SPOCK3: variants seen among roughly 807,000 people sequenced by gnomAD.
The protein encoded by SPOCK3 is testican-3.
Under a neutral mutation model 56.6 loss-of-function variants are expected in SPOCK3, and 30 were observed. That is an observed-to-expected ratio of 0.53 (90% CI 0.40 to 0.72). The LOEUF is 0.72. SPOCK3 is among the 30% of genes least tolerant of loss of function. SPOCK3 has a pLI of 0.00. For synonymous variants in SPOCK3, 196 were observed against 183.3 expected (o/e 1.07, Z -0.56); for missense variants, 527 against 530.0 (o/e 0.99, Z 0.06).
chr4:167,019,369 A>T (rs1020806344), intron 3 of SPOCK3, among the ~76,000 whole-genome samples: 2 of 151,962 alleles, frequency 1.3e-5, no homozygotes, highest in African/African-American at 4.8e-5. Flanking sequence ...AAATGATGCA[A>T]ATTTATCATT....
intron 2 of SPOCK3, among the ~76,000 whole-genome samples, chr4:167,156,055 C>G (rs1186837446): frequency 7.2e-5 from 11 of 151,844 alleles, no homozygotes; most frequent in Non-Finnish European, 4.4e-5. Flanking sequence ...TAAAACAAAA[C>G]AGATAAACTT....
chr4:167,229,961 A>C lies in SPOCK3; in HGVS notation c.189+4024T>G, dbSNP rs1381126716. On this transcript the variant is annotated intron_variant, in intron 2 of 10. Transcript: ENST00000357545. ...CCCCAGGTATTTTTATTGAAAAACA[A>C]ATTTAATTTAATCTAGAACTATTTG... is the stretch of plus-strand genomic sequence containing the variant. 5.9e-5 allele frequency among the ~76,000 whole-genome samples: 9 copies of C among 152,202 alleles called. No individual in the cohort carries two copies. In the East Asian group the frequency reaches 1.7e-3, roughly 29 times the overall value.
At chr4:166,971,960 A>G (rs1161690877) in intron 4 of SPOCK3, among the ~76,000 whole-genome samples, 1 of 152,158 alleles carries the variant, frequency 6.6e-6, no homozygotes, top group Non-Finnish European at 1.5e-5. Context: ...CAAAAACACA[A>G]GTGATTCCTG....
At chr4:166,803,506 C>A (rs1384949774) in intron 6 of SPOCK3, among the ~76,000 whole-genome samples, 1 of 152,028 alleles carries the variant, frequency 6.6e-6, no homozygotes, top group African/African-American at 2.4e-5. Context: ...AGGGACAAGA[C>A]CAAGTGAAAA....
At chr4:166,925,914 T>C (rs544403850) in intron 4 of SPOCK3, among the ~76,000 whole-genome samples, 225 of 152,326 alleles carry the variant, frequency 1.5e-3, no homozygotes, top group Middle Eastern at 3.4e-3. Flanking sequence ...TTTACCAGTT[T>C]CTGTTTGTTT....
At chr4:167,099,784 T>C (rs1759474462) in intron 2 of SPOCK3, among the ~76,000 whole-genome samples, 2 of 152,268 alleles carry the variant, frequency 1.3e-5, no homozygotes, top group South Asian at 4.1e-4. Context: ...TGTCTGTCAC[T>C]GTCTGTAATT....
At chr4:167,205,350 T>TATTATATATTTTATATAA (rs1561321538) in intron 2 of SPOCK3, among the ~76,000 whole-genome samples, 9 of 42,546 alleles carry the variant, frequency 2.1e-4, no homozygotes, top group Non-Finnish European at 3.0e-4. Flanking sequence ...ATTATATATA[T>TATTATATATTTTATATAA]AATATATATA....
At chr4:166,769,767 C>T (rs1738675903) in intron 7 of SPOCK3, among the ~76,000 whole-genome samples, 1 of 152,172 alleles carries the variant, frequency 6.6e-6, no homozygotes, top group South Asian at 2.1e-4. Flanking sequence ...TTTTGTTCAG[C>T]TATGCCCTGC....
At chr4:167,215,619 T>C (rs776028437) in intron 2 of SPOCK3, among the ~76,000 whole-genome samples, 18 of 152,116 alleles carry the variant, frequency 1.2e-4, no homozygotes, top group Non-Finnish European at 2.5e-4. Flanking sequence ...GTGTGAAGAA[T>C]GCATGAAAGA....
intron 2 of SPOCK3, chr4:167,083,169 A>G: frequency 7.8e-6 from 6 of 764,746 alleles, no homozygotes; most frequent in Non-Finnish European, 1.4e-5. Flanking sequence ...TCCTACAGAC[A>G]AGATGTATTG....
intron 2 of SPOCK3, among the ~76,000 whole-genome samples, chr4:167,178,372 T>C (rs192183640): frequency 6.6e-6 from 1 of 152,262 alleles, no homozygotes; most frequent in Admixed American, 6.5e-5. Context: ...GGCAGACTCT[T>C]ACTATACATT....
chr4:167,002,234 C>A (rs192493027), intron 3 of SPOCK3, among the ~76,000 whole-genome samples: 1,940 of 152,184 alleles, frequency 0.013, 20 homozygotes, highest in Non-Finnish European at 0.019. Flanking sequence ...GCTGGGATTA[C>A]AATGGTGAGC....
chr4:166,938,955 C>CCACACACACA (rs59234659), intron 4 of SPOCK3, among the ~76,000 whole-genome samples: 102 of 148,326 alleles, frequency 6.9e-4, no homozygotes, highest in African/African-American at 2.4e-3. Context: ...CATACACACA[C>CCACACACACA]CACACACACA....
chr4:167,119,597 C>A lies in SPOCK3; in HGVS notation c.190-57060G>T, dbSNP rs184017827. ...GTCATTTAAACCATCATGAGAAATA[C>A]TTGCATTATTATGTAGCAAAAATAA... On this transcript the variant is annotated intron_variant, in intron 2 of 10. Transcript: ENST00000357545. Among the ~76,000 whole-genome samples the A allele has an allele frequency of 5.2e-3, 799 of 152,196 alleles. 6 individuals carry two copies. Among genetic ancestry groups the A allele is most frequent in the Non-Finnish European group, 4.0e-3 (273 of 67,976 alleles).
chr4:167,184,742 C>T (rs1470056951), intron 2 of SPOCK3, among the ~76,000 whole-genome samples: 1 of 152,160 alleles, frequency 6.6e-6, no homozygotes, highest in East Asian at 1.9e-4. Flanking sequence ...TTTAAAATAC[C>T]TTTAAAATTT....
intron 2 of SPOCK3, among the ~76,000 whole-genome samples, chr4:167,126,908 G>C (rs549351339): frequency 6.6e-6 from 1 of 152,216 alleles, no homozygotes; most frequent in Admixed American, 6.5e-5. Context: ...GTTGCTGGTA[G>C]AAAACAAAAC....
At chr4:167,126,227 T>A (rs543844418) in intron 2 of SPOCK3, among the ~76,000 whole-genome samples, 7 of 152,182 alleles carry the variant, frequency 4.6e-5, no homozygotes, top group African/African-American at 1.4e-4. Context: ...ACAGTCTGAC[T>A]GGACAAGTCT....
chr4:166,888,136 T>C (rs1372662472), intron 6 of SPOCK3, among the ~76,000 whole-genome samples: 3 of 152,162 alleles, frequency 2.0e-5, no homozygotes, highest in African/African-American at 7.2e-5. Flanking sequence ...TGTAATAAAA[T>C]ATTTATGTGG....
intron 4 of SPOCK3, among the ~76,000 whole-genome samples, chr4:166,952,538 C>T (rs189378598): frequency 0.011 from 1,749 of 152,254 alleles, 36 homozygotes; most frequent in African/African-American, 0.04. Flanking sequence ...AATGCCATCC[C>T]CATCAAGCTA....
Sources: allele counts gnomAD v4.1 joint callset (sites outside exome capture counted in the v4.1 genomes callset), GRCh38; gene constraint gnomAD v4.1.1; transcripts MANE v1.5; gene names NCBI Gene and HGNC (gene_info 2026-07-23, HGNC 2026-07-21).